The following AASDH variants were observed in gnomAD, a reference collection of about 807,000 sequenced individuals.
AASDH encodes aminoadipate-semialdehyde dehydrogenase, also known as beta-alanine-activating enzyme.
Under a neutral mutation model 102.3 loss-of-function variants are expected in AASDH, and 81 were observed. The observed-to-expected ratio is 0.79, with a 90% confidence interval of 0.66 to 0.95. The LOEUF is 0.95. Ranked by LOEUF, AASDH falls within the 40% of genes least tolerant of loss-of-function variation. The probability of loss-of-function intolerance (pLI) is 0.00; values close to 1 mark genes in which losing one functional copy is unlikely to be tolerated. For synonymous variants in AASDH, 398 were observed against 454.0 expected (o/e 0.88, Z 1.57); for missense variants, 1,203 against 1,266.2 (o/e 0.95, Z 0.76).
rs749963832 is a variant in AASDH at position 56,349,437 on chromosome 4, G to A, written c.2314C>T (p.Leu772=). The A allele has an allele frequency of 6.2e-7, 1 of 1,614,134 alleles. No homozygotes were observed. The highest frequency in any genetic ancestry group is 8.5e-7 in the Non-Finnish European group (1 of 1,180,036). ...DTGKCVDASP[L]VVIPTFDKSS... is the part of the protein sequence containing the mutation. The stretch of plus-strand genomic sequence containing the variant: ...TTATCAAAAGTGGGTATTACAACCA[G>A]CGGTGAAGCATCTACACATTTGCCT... Residue 772 remains leucine, a synonymous_variant, in exon 11 of 15, where the codon CTG becomes TTG. Transcript: ENST00000205214.
intron 14 of AASDH, 78 bp downstream of exon 14, chr4:56,342,757 A>C (rs1441515303): frequency 1.0e-5 from 6 of 583,342 alleles, no homozygotes; most frequent in Non-Finnish European, 1.1e-5. Flanking sequence ...AGATATATAA[A>C]ATTTCTAGTT....
At position 56,345,168 on chromosome 4, in the gene AASDH, T is replaced by C. The variant is rs527882469; in HGVS notation, c.2611A>G (p.Ile871Val). 3.7e-6 allele frequency: 6 copies of C among 1,614,132 alleles called. No homozygotes were observed. In the South Asian group the frequency reaches 5.5e-5, roughly 15 times the overall value. Reference protein sequence around the residue: ...TMDPTTGLIYIGSHDQHAYAL... With the variant: ...TMDPTTGLIYVGSHDQHAYAL... ...TATGCGTGCTGGTCATGAGATCCAA[T>C]GTAAATGAGTCCTGTGGTTGGATCC... The change falls in exon 12 of 15, where the codon ATT becomes GTT. Residue 871 changes from isoleucine (I) to valine (V), a missense_variant. Physicochemically the swap from Ile to Val is conservative, Grantham distance 29. Transcript: ENST00000205214.
chr4:56,378,843 G>A (rs933229726), intron 3 of AASDH, among the ~76,000 whole-genome samples: 5 of 136,044 alleles, frequency 3.7e-5, no homozygotes, highest in African/African-American at 1.1e-4. Flanking sequence ...GTCTCACTCT[G>A]TTGCCCAGGC....
chr4:56,364,370 C>T (rs1199923043), intron 5 of AASDH, among the ~76,000 whole-genome samples: 1 of 151,918 alleles, frequency 6.6e-6, no homozygotes, highest in African/African-American at 2.4e-5. Context: ...ACAGAGAACA[C>T]CACAAAGATA....
At chr4:56,360,407 G>A (rs1750156161) in intron 5 of AASDH, among the ~76,000 whole-genome samples, 1 of 152,160 alleles carries the variant, frequency 6.6e-6, no homozygotes. Flanking sequence ...GCTGGTCATG[G>A]GCATTACTGA....
intron 5 of AASDH, among the ~76,000 whole-genome samples, chr4:56,361,661 A>G (rs561269724): frequency 6.6e-6 from 1 of 152,218 alleles, no homozygotes; most frequent in South Asian, 2.1e-4. Context: ...TCAACCTAAT[A>G]TTTTACTCTA....
In AASDH at chr4:56,378,454, G is replaced by T. The variant is rs770368258; in HGVS notation, c.362C>A (p.Ser121Tyr). Residue 121 changes from serine to tyrosine, a missense_variant, in exon 4 of 15, where the codon TCT (serine) becomes TAT (tyrosine). By Grantham distance (144) the Ser-to-Tyr change is moderately radical. Transcript: ENST00000205214. ...ATAGTTCAATAATGTTTCATGAAAA[G>T]ATTTAAATTTCTGTGTGAAATGGGG... The part of the protein sequence containing the change: ...VEKKQINKFK[S>Y]FHETLLNYDT... The T allele has an allele frequency of 3.1e-6, 5 of 1,593,070 alleles. No homozygotes were observed. Among genetic ancestry groups the T allele is most frequent in the South Asian group, 1.2e-5 (1 of 86,394 alleles).
intron 14 of AASDH, among the ~76,000 whole-genome samples, chr4:56,341,295 T>C (rs1171268337): frequency 6.6e-6 from 1 of 151,828 alleles, no homozygotes; most frequent in Non-Finnish European, 1.5e-5. Flanking sequence ...AAAGAAAATG[T>C]AGTATATATA....
chr4:56,371,852 T>G (rs977303173), intron 4 of AASDH, among the ~76,000 whole-genome samples: 42 of 152,134 alleles, frequency 2.8e-4, no homozygotes, highest in Admixed American at 6.5e-4. Context: ...AATATCCACG[T>G]TTTACCAGAC....
At position 56,345,120 on chromosome 4, in the gene AASDH, T is replaced by C; in HGVS notation, c.2652+7A>G. The C allele has an allele frequency of 6.2e-7, 1 of 1,613,592 alleles. No individual in the cohort carries two copies. The highest frequency in any genetic ancestry group is 1.1e-5 in the South Asian group (1 of 91,008). On this transcript the variant is annotated splice_region_variant and intron_variant, in intron 12 of 14. Coordinates refer to ENST00000205214, the MANE Select transcript of AASDH (RefSeq NM_181806.4). ...CCATGCCCAGCTAATTTGAGGTCAA[T>C]CCTTACATAAATATCTAAAGCATAT...
chr4:56,344,236 T>C (rs1263093207), intron 12 of AASDH, among the ~76,000 whole-genome samples: 1 of 152,208 alleles, frequency 6.6e-6, no homozygotes, highest in Non-Finnish European at 1.5e-5. Context: ...AAGGATATGA[T>C]ATTGTTACCT....
intron 12 of AASDH, 78 bp from the exon 13 acceptor site, chr4:56,343,762 GTC>G: frequency 7.3e-7 from 1 of 1,365,438 alleles, no homozygotes; most frequent in Non-Finnish European, 9.8e-7. Context: ...ATGATATTAT[GTC>G]TGTTTAGTTA....
intron 5 of AASDH, among the ~76,000 whole-genome samples, chr4:56,364,306 C>A (rs1750709497): frequency 6.6e-6 from 1 of 152,036 alleles, no homozygotes; most frequent in Non-Finnish European, 1.5e-5. Flanking sequence ...AGGATATTAT[C>A]AAGGAGAACT....
intron 2 of AASDH, 148 bp from the exon 3 acceptor site, chr4:56,382,745 A>G (rs1753125424): frequency 2.2e-6 from 2 of 898,182 alleles, no homozygotes; most frequent in Non-Finnish European, 1.6e-6. Flanking sequence ...GAAATTTCCA[A>G]TGTTTTCACT....
intron 5 of AASDH, among the ~76,000 whole-genome samples, chr4:56,357,276 C>T (rs900101760): frequency 1.3e-5 from 2 of 152,162 alleles, no homozygotes; most frequent in African/African-American, 4.8e-5. Flanking sequence ...CTGGTGAGTA[C>T]TCTACTTCAT....
At chr4:56,356,267 C>A in intron 5 of AASDH, 1 of 979,880 alleles carries the variant, frequency 1.0e-6, no homozygotes, top group Non-Finnish European at 1.6e-6. Context: ...GCAAGACATC[C>A]AGCCCAAAAG....
chr4:56,365,190 C>T (rs1199289860), intron 5 of AASDH, among the ~76,000 whole-genome samples: 1 of 151,854 alleles, frequency 6.6e-6, no homozygotes, highest in Non-Finnish European at 1.5e-5. Context: ...ATATATGCAC[C>T]CAATACAGGA....
chr4:56,343,089 A>G lies in AASDH; in HGVS notation c.2776-123T>C, dbSNP rs541906086. ...AAATAGCAGAAAATGCTGTAGTGGT[A>G]TGCAGACATAAATGAAGCTGGTATA... On this transcript the variant is annotated intron_variant, in intron 13 of 14. Transcript: ENST00000205214. 7.0e-5 allele frequency: 65 copies of G among 930,672 alleles called. 3 individuals carry two copies. The South Asian group carries it at 1.5e-3, about 21-fold the overall frequency. The allele number at this position is 930,672 out of a possible 1,614,324, so 57.7% of individuals were successfully genotyped here.
rs1748987451 is a variant in AASDH at position 56,351,435 on chromosome 4, T to C, written c.1599A>G (p.Leu533=). 6.3e-7 allele frequency: 1 copy of C among 1,582,360 alleles called. No homozygotes were observed. The highest frequency in any genetic ancestry group is 1.1e-5 in the South Asian group (1 of 87,258). The change falls in exon 10 of 15, where the codon TTA becomes TTG. Residue 533 remains leucine (L), a synonymous_variant. Coordinates refer to ENST00000205214, the MANE Select transcript of AASDH (RefSeq NM_181806.4). The stretch of plus-strand genomic sequence containing the variant: ...TTATGTAGTTTAAATATATCTTGTT[T>C]AACTCAGAAACATCAATTTTGCCTT... The part of the protein sequence containing the change: ...TSHGKIDVSE[L]NKIYLNYINL...
Sources: gnomAD v4.1 joint callset for allele counts (sites outside exome capture counted in the v4.1 genomes callset) on GRCh38, gnomAD v4.1.1 for gene constraint, MANE v1.5 for transcripts, NCBI Gene and HGNC (gene_info 2026-07-23, HGNC 2026-07-21) for gene names.